APP: variants seen among roughly 807,000 people sequenced by gnomAD.
APP encodes amyloid-beta precursor protein.
A neutral mutation model predicts 101.4 loss-of-function variants in APP; 31 were observed. That is an observed-to-expected ratio of 0.31 (90% CI 0.23 to 0.41). APP has a LOEUF of 0.41. APP is among the 10% of genes least tolerant of loss of function. APP has a pLI of 1.00. For synonymous variants in APP, 366 were observed against 364.4 expected (o/e 1.00, Z -0.05); for missense variants, 839 against 1,003.7 (o/e 0.84, Z 2.22).
At chr21:26,144,571 T>C (rs1041497573) in intron 1 of APP, among the ~76,000 whole-genome samples, 1 of 152,184 alleles carries the variant, frequency 6.6e-6, no homozygotes, top group Non-Finnish European at 1.5e-5. Flanking sequence ...ATCTTAAATT[T>C]AAAAGTCAGT....
At chr21:25,925,564 C>T (rs1206069167) in intron 13 of APP, among the ~76,000 whole-genome samples, 1 of 152,194 alleles carries the variant, frequency 6.6e-6, no homozygotes, top group Non-Finnish European at 1.5e-5. Context: ...ACCTACCCTC[C>T]ACCACACTGA....
At chr21:25,961,537 A>T (rs1178206941) in intron 11 of APP, among the ~76,000 whole-genome samples, 2 of 152,212 alleles carry the variant, frequency 1.3e-5, no homozygotes, top group Admixed American at 6.5e-5. Flanking sequence ...TCACTCAAAT[A>T]AATAAATAAT....
chr21:25,891,638 T>C, intron 17 of APP, 84 bp downstream of exon 17: 2 of 1,333,760 alleles, frequency 1.5e-6, no homozygotes, highest in South Asian at 1.2e-5. Context: ...AAAGAGATAC[T>C]TAGCTAGTTC....
Position 25,999,999 on chromosome 21 carries a change from A to G in APP, c.1033+16T>C. ...AGAGACGAAAGGTGGCCAGGCTCGA[A>G]GAAGGGTCCACTTACTGGCGCTGCC... On this transcript the variant is annotated intron_variant, in intron 7 of 17. Transcript: ENST00000346798. 1 of 1,613,842 alleles carries G rather than the reference A, an allele frequency of 6.2e-7. No individual in the cohort carries two copies. The highest frequency in any genetic ancestry group is 2.2e-5 in the East Asian group (1 of 44,806).
intron 6 of APP, among the ~76,000 whole-genome samples, chr21:26,007,605 G>C (rs1359406069): frequency 6.6e-6 from 1 of 151,466 alleles, no homozygotes; most frequent in Non-Finnish European, 1.5e-5. Flanking sequence ...GTAATTCTAA[G>C]TATTACTACG....
chr21:25,890,991 TA>T, intron 17 of APP, among the ~76,000 whole-genome samples: 1 of 152,368 alleles, frequency 6.6e-6, no homozygotes, highest in Admixed American at 6.5e-5. Flanking sequence ...GACAGTTTCC[TA>T]AAAAGTTGCA....
intron 1 of APP, among the ~76,000 whole-genome samples, chr21:26,163,007 C>T (rs1173631499): frequency 6.7e-6 from 1 of 148,168 alleles, no homozygotes; most frequent in African/African-American, 2.5e-5. Context: ...GTGGGTGGAT[C>T]ACTTGAAGTC....
intron 17 of APP, among the ~76,000 whole-genome samples, chr21:25,888,589 AG>A (rs2037493186): frequency 6.6e-6 from 1 of 152,196 alleles, no homozygotes; most frequent in South Asian, 2.1e-4. Flanking sequence ...TCATCTAGAA[AG>A]GCTTCCAGTT....
intron 6 of APP, 69 bp from the exon 7 acceptor site, chr21:26,000,251 C>A: frequency 6.3e-7 from 1 of 1,587,766 alleles, no homozygotes; most frequent in Non-Finnish European, 8.6e-7. Context: ...CATGTATACA[C>A]GTTTACTTCT....
At chr21:26,019,685 T>G (rs1185909427) in intron 6 of APP, among the ~76,000 whole-genome samples, 2 of 234 alleles carry the variant, frequency 8.5e-3, no homozygotes, top group African/African-American at 0.015. Context: ...AAACTGGTTC[T>G]ATTAAACAGC....
chr21:26,075,405 G>C (rs1176128339), intron 3 of APP, among the ~76,000 whole-genome samples: 2 of 152,234 alleles, frequency 1.3e-5, no homozygotes, highest in African/African-American at 4.8e-5. Flanking sequence ...GGCCCTCAAA[G>C]CCACTGATTA....
intron 14 of APP, among the ~76,000 whole-genome samples, chr21:25,907,550 C>T (rs1370921601): frequency 6.6e-6 from 1 of 152,184 alleles, no homozygotes; most frequent in East Asian, 1.9e-4. Context: ...ATTATCTTAG[C>T]TTTAACTTTT....
intron 3 of APP, among the ~76,000 whole-genome samples, chr21:26,081,872 T>C (rs1372666710): frequency 2.0e-5 from 3 of 152,236 alleles, no homozygotes; most frequent in East Asian, 1.9e-4. Flanking sequence ...TTATTGTACG[T>C]TGATATTTAT....
intron 11 of APP, among the ~76,000 whole-genome samples, chr21:25,971,561 G>T (rs1397866092): frequency 6.6e-6 from 1 of 152,226 alleles, no homozygotes; most frequent in East Asian, 1.9e-4. Context: ...ACAGGACAGG[G>T]TATTGGTGAG....
chr21:26,121,681 C>T (rs1326165115), intron 1 of APP, among the ~76,000 whole-genome samples: 1 of 152,178 alleles, frequency 6.6e-6, no homozygotes, highest in Non-Finnish European at 1.5e-5. Context: ...ATATTCATCA[C>T]TAAATAACGA....
intron 8 of APP, among the ~76,000 whole-genome samples, chr21:25,988,918 T>C (rs144884326): frequency 6.7e-4 from 102 of 152,254 alleles, no homozygotes; most frequent in African/African-American, 2.4e-3. Context: ...TCAATTTTAA[T>C]ACTGATACAC....
intron 3 of APP, among the ~76,000 whole-genome samples, chr21:26,079,044 C>CAAA (rs34285555): frequency 0.034 from 3,897 of 114,268 alleles, 226 homozygotes; most frequent in African/African-American, 0.12. Flanking sequence ...AACTCCATCT[C>CAAA]AAAAAAAAAA....
intron 6 of APP, among the ~76,000 whole-genome samples, chr21:26,020,404 T>C (rs2044286519): frequency 6.6e-6 from 1 of 152,198 alleles, no homozygotes; most frequent in South Asian, 2.1e-4. Context: ...CTGAATTATA[T>C]ACTTAAAAGC....
intron 3 of APP, among the ~76,000 whole-genome samples, chr21:26,077,628 C>T (rs992215273): frequency 1.3e-5 from 2 of 152,068 alleles, no homozygotes; most frequent in Non-Finnish European, 2.9e-5. Context: ...GCCATTTTTT[C>T]CTGGAGGCCT....
Sources: gnomAD v4.1 joint callset for allele counts (sites outside exome capture counted in the v4.1 genomes callset) on GRCh38, gnomAD v4.1.1 for gene constraint, MANE v1.5 for transcripts, NCBI Gene and HGNC (gene_info 2026-07-23, HGNC 2026-07-21) for gene names.